The following ARPC2 variants were observed in gnomAD, a reference collection of about 807,000 sequenced individuals.
The protein encoded by ARPC2 is actin-related protein 2/3 complex subunit 2.
In ARPC2, 4 loss-of-function variants were observed where a neutral mutation model predicts 38.6. The observed-to-expected ratio is 0.10, with a 90% confidence interval of 0.05 to 0.24. The LOEUF (loss-of-function observed/expected upper bound fraction) is 0.24. Ranked by LOEUF, ARPC2 falls within the 10% of genes least tolerant of loss-of-function variation. ARPC2 has a pLI of 1.00. For synonymous variants in ARPC2, 125 were observed against 140.8 expected, an observed-to-expected ratio of 0.89 and a Z score of 0.79; for missense variants, 229 against 387.3, an observed-to-expected ratio of 0.59 and a Z score of 3.43.
At chr2:218,240,410 T>C (rs1689885104) in intron 7 of ARPC2, among the ~76,000 whole-genome samples, 1 of 152,238 alleles carries the variant, frequency 6.6e-6, no homozygotes. Flanking sequence ...ACCTCTTGTG[T>C]TTCCTCAGAT....
At chr2:218,218,993 T>C (rs539670638) in intron 2 of ARPC2, among the ~76,000 whole-genome samples, 1 of 152,304 alleles carries the variant, frequency 6.6e-6, no homozygotes, top group East Asian at 1.9e-4. Flanking sequence ...TTTGGGTGAT[T>C]GCTGTATACT....
intron 8 of ARPC2, among the ~76,000 whole-genome samples, chr2:218,248,685 C>T (rs1392810084): frequency 1.3e-5 from 2 of 152,220 alleles, no homozygotes; most frequent in African/African-American, 4.8e-5. Flanking sequence ...GGTCTCAAAA[C>T]TCCTGATCTC....
chr2:218,238,938 T>A, intron 6 of ARPC2, 88 bp downstream of exon 6: 1 of 1,080,122 alleles, frequency 9.3e-7, no homozygotes, highest in Non-Finnish European at 1.3e-6. Context: ...GGTCAAACTT[T>A]CAGCTGTATT....
intron 8 of ARPC2, among the ~76,000 whole-genome samples, chr2:218,247,167 A>G (rs548954155): frequency 2.6e-5 from 4 of 152,270 alleles, no homozygotes; most frequent in African/African-American, 9.6e-5. Context: ...AAGCAGCTAG[A>G]TGGGGGTTCT....
At chr2:218,239,187 G>C in intron 6 of ARPC2, 1 of 586,698 alleles carries the variant, frequency 1.7e-6, no homozygotes, top group Non-Finnish European at 3.0e-6. Context: ...ATCTACTTCT[G>C]ATAATTTCCA....
chr2:218,253,856 G>A lies in ARPC2; in HGVS notation c.879-35G>A, dbSNP rs542689214. 24 of 1,611,884 alleles carry A rather than the reference G, an allele frequency of 1.5e-5. No individual in the cohort carries two copies. In the South Asian group the frequency reaches 2.4e-4, roughly 16 times the overall value. Reference sequence around the variant, plus strand: ...GTGGGGTGGGAGGAAAGGGCAGCCAGAAACTGACCTTCGCACTTATCTCTC... The same window carrying A: ...GTGGGGTGGGAGGAAAGGGCAGCCAAAAACTGACCTTCGCACTTATCTCTC... On this transcript the variant is annotated intron_variant, in intron 10 of 10. Transcript: ENST00000315717.
At chr2:218,248,003 C>T (rs1690089145) in intron 8 of ARPC2, among the ~76,000 whole-genome samples, 1 of 151,126 alleles carries the variant, frequency 6.6e-6, no homozygotes, top group African/African-American at 2.4e-5. Context: ...CTGATCTCAA[C>T]TCCTGGCCTC....
chr2:218,234,859 G>A (rs912795155), intron 5 of ARPC2: 1 of 456,756 alleles, frequency 2.2e-6, no homozygotes, highest in African/African-American at 2.0e-5. Context: ...TCTTCTAATA[G>A]GTTGTCTCAA....
intron 10 of ARPC2, 112 bp from the exon 11 acceptor site, chr2:218,253,779 C>A: frequency 3.0e-6 from 4 of 1,354,008 alleles, no homozygotes; most frequent in Non-Finnish European, 4.0e-6. Flanking sequence ...GGAATCTAGC[C>A]CTTTCCACCT....
chr2:218,223,455 A>C (rs982191372), intron 2 of ARPC2, among the ~76,000 whole-genome samples: 1 of 152,120 alleles, frequency 6.6e-6, no homozygotes, highest in African/African-American at 2.4e-5. Context: ...AAGAGAACCC[A>C]TGAAGTGATT....
chr2:218,239,252 TATC>T lies in ARPC2; in HGVS notation c.456-135_456-133del, dbSNP rs377367803. 1.1e-3 allele frequency: 696 copies of T among 638,554 alleles called. 6 individuals are homozygous for T. Among genetic ancestry groups the T allele is most frequent in the East Asian group, 0.01 (365 of 36,334 alleles). The allele number at this position is 638,554 out of a possible 1,614,324, so 39.6% of individuals were successfully genotyped here. Reference sequence around the variant, plus strand: ...GTGCACTGACTTTGTTGACCATAAATATCATCTCATTTGGCACACCTTTATATT... The same window carrying T: ...GTGCACTGACTTTGTTGACCATAAATATCTCATTTGGCACACCTTTATATT... On this transcript the variant is annotated intron_variant, in intron 6 of 10. Coordinates refer to ENST00000315717, the MANE Select transcript of ARPC2 (RefSeq NM_152862.3).
At chr2:218,242,765 A>G (rs1689944481) in intron 7 of ARPC2, among the ~76,000 whole-genome samples, 3 of 152,136 alleles carry the variant, frequency 2.0e-5, no homozygotes, top group African/African-American at 7.2e-5. Flanking sequence ...AATGTTATAG[A>G]CCATTTGATT....
At chr2:218,232,310 T>G (rs966249503) in intron 4 of ARPC2, among the ~76,000 whole-genome samples, 16 of 152,216 alleles carry the variant, frequency 1.1e-4, no homozygotes, top group Admixed American at 3.3e-4. Context: ...GGAAGCAGTT[T>G]CCACCAGGTG....
intron 8 of ARPC2, among the ~76,000 whole-genome samples, chr2:218,246,992 G>A (rs959296350): frequency 6.6e-6 from 1 of 152,032 alleles, no homozygotes; most frequent in Non-Finnish European, 1.5e-5. Flanking sequence ...AGGCATGGTG[G>A]TGCATGACTG....
chr2:218,245,378 AC>A (rs1351346540), intron 7 of ARPC2, 41 bp from the exon 8 acceptor site: 1 of 1,612,948 alleles, frequency 6.2e-7, no homozygotes, highest in East Asian at 2.2e-5. Flanking sequence ...CACTCATCTT[AC>A]ACCCACTTCT....
At chr2:218,240,646 CTG>C in intron 7 of ARPC2, among the ~76,000 whole-genome samples, 1 of 152,200 alleles carries the variant, frequency 6.6e-6, no homozygotes, top group Non-Finnish European at 1.5e-5. Context: ...AATCCCAGCA[CTG>C]TGGGAGGCCG....
intron 2 of ARPC2, among the ~76,000 whole-genome samples, chr2:218,221,697 T>G (rs1689387230): frequency 6.6e-6 from 1 of 152,232 alleles, no homozygotes; most frequent in Non-Finnish European, 1.5e-5. Flanking sequence ...GATAGAATGA[T>G]TCCTTGTTTC....
intron 3 of ARPC2, among the ~76,000 whole-genome samples, chr2:218,228,380 G>A (rs1473096107): frequency 6.6e-6 from 1 of 151,886 alleles, no homozygotes; most frequent in African/African-American, 2.4e-5. Flanking sequence ...TCCAGCCTGG[G>A]TGACAGAGTA....
At chr2:218,244,291 T>A (rs576961480) in intron 7 of ARPC2, among the ~76,000 whole-genome samples, 2 of 152,234 alleles carry the variant, frequency 1.3e-5, no homozygotes, top group Admixed American at 1.3e-4. Flanking sequence ...AGGCTGGGCA[T>A]TGGGGCTCCT....
Sources: allele counts gnomAD v4.1 joint callset (sites outside exome capture counted in the v4.1 genomes callset), GRCh38; gene constraint gnomAD v4.1.1; transcripts MANE v1.5; gene names NCBI Gene and HGNC (gene_info 2026-07-23, HGNC 2026-07-21).